The following ALMS1 variants were observed in gnomAD, a reference collection of about 807,000 sequenced individuals.
The protein encoded by ALMS1 is ALMS1 centrosome and basal body associated protein.
ALMS1 carries 271 observed loss-of-function variants against 352.2 expected under a neutral mutation model. The ratio of observed to expected loss-of-function variants is 0.77; its 90% CI spans 0.70 to 0.85. ALMS1 has a LOEUF of 0.85. Among genes scored for constraint, ALMS1 ranks in the 40% least tolerant of loss-of-function variants. The pLI is 0.00. For missense variants in ALMS1, 5,445 were observed against 4,870.7 expected (o/e 1.12, Z -3.51); for synonymous variants, 1,865 against 1,761.2 (o/e 1.06, Z -1.48).
At chr2:73,388,695 ATAC>A (rs1670586946) in intron 1 of ALMS1, among the ~76,000 whole-genome samples, 1 of 152,260 alleles carries the variant, frequency 6.6e-6, no homozygotes, top group Non-Finnish European at 1.5e-5. Flanking sequence ...ATATTAATAC[ATAC>A]TACATTTTCT....
chr2:73,385,903 T>TGGAGGAGGAGGA lies in ALMS1; in HGVS notation c.63_74dup (p.Glu25_Glu28dup), dbSNP rs55889738. 2.2e-3 allele frequency: 1,573 copies of TGGAGGAGGAGGA among 701,332 alleles called. 3 individuals carry two copies. The East Asian group carries it at 0.035, about 15-fold the overall frequency. 43.4% of individuals were successfully genotyped at this position (701,332 alleles called of 1,614,324 possible). A position where few individuals can be genotyped will look rare whatever the true frequency, so the allele number is the denominator to read the frequency against. ...GAGGATCTGCCATGGCCGGGCGAGC[T>TGGAGGAGGAGGA]GGAGGAGGAGGAGGAGGAGGAGGAG... On this transcript the variant is annotated inframe_insertion, in exon 1 of 23. Transcript: ENST00000613296.
intron 9 of ALMS1, among the ~76,000 whole-genome samples, chr2:73,478,268 T>C (rs1027326013): frequency 6.6e-6 from 1 of 152,154 alleles, no homozygotes; most frequent in African/African-American, 2.4e-5. Flanking sequence ...TACTTGGAAA[T>C]GGTTATGTGA....
chr2:73,403,992 T>G (rs545695825), intron 1 of ALMS1, among the ~76,000 whole-genome samples: 4 of 152,276 alleles, frequency 2.6e-5, no homozygotes, highest in African/African-American at 9.6e-5. Context: ...CTCCACCTCC[T>G]GGGTTCAAGT....
At chr2:73,411,622 G>A (rs1671079312) in intron 2 of ALMS1, among the ~76,000 whole-genome samples, 1 of 152,134 alleles carries the variant, frequency 6.6e-6, no homozygotes, top group Non-Finnish European at 1.5e-5. Context: ...CGTCAGAATA[G>A]CTGGAATATT....
intron 10 of ALMS1, among the ~76,000 whole-genome samples, chr2:73,513,297 C>T (rs952728702): frequency 1.3e-5 from 2 of 152,086 alleles, no homozygotes; most frequent in South Asian, 2.1e-4. Context: ...TCACCCTCAA[C>T]GTATGGACAC....
chr2:73,511,687 G>A (rs1673456281), intron 10 of ALMS1, among the ~76,000 whole-genome samples: 1 of 152,118 alleles, frequency 6.6e-6, no homozygotes, highest in Admixed American at 6.5e-5. Context: ...ATGACAGTGG[G>A]TCTCAACTAG....
At chr2:73,596,309 A>G (rs181204477) in intron 16 of ALMS1, among the ~76,000 whole-genome samples, 16 of 152,232 alleles carry the variant, frequency 1.1e-4, no homozygotes, top group African/African-American at 3.9e-4. Flanking sequence ...GTCTAACTTC[A>G]TCTCTTTGCA....
chr2:73,452,336 C>G lies in ALMS1; in HGVS notation c.5809C>G (p.Pro1937Ala), dbSNP rs767414544. 16 of 1,613,934 alleles carry G rather than the reference C, an allele frequency of 9.9e-6. No homozygotes were observed. The Admixed American group carries it at 1.5e-4, about 15-fold the overall frequency. The change falls in exon 8 of 23, where the codon CCT (proline) becomes GCT (alanine). Residue 1937 changes from proline to alanine, a missense_variant. By Grantham distance (27) the Pro-to-Ala change is conservative. Transcript: ENST00000613296. ...GDRKTEIPTV[P>A]LSYYSRREKP... ...CCGGAAGACTGAGATACCAACAGTA[C>G]CTTTAAGTTACTACTCACGTAGAGA...
At chr2:73,413,644 C>A (rs1181380130) in intron 2 of ALMS1, among the ~76,000 whole-genome samples, 2 of 152,196 alleles carry the variant, frequency 1.3e-5, no homozygotes, top group Non-Finnish European at 2.9e-5. Context: ...TCTCTCCCAA[C>A]TGAGAACCGC....
chr2:73,518,599 C>T (rs573019381), intron 10 of ALMS1, among the ~76,000 whole-genome samples: 1 of 152,264 alleles, frequency 6.6e-6, no homozygotes, highest in Admixed American at 6.5e-5. Context: ...ATAACCACTC[C>T]CTTTTCTCTG....
At chr2:73,401,756 T>C (rs1485276641) in intron 1 of ALMS1, among the ~76,000 whole-genome samples, 1 of 152,112 alleles carries the variant, frequency 6.6e-6, no homozygotes, top group African/African-American at 2.4e-5. Context: ...TTATTAACTA[T>C]AGTACTTATA....
Position 73,489,628 on chromosome 2 carries a change from T to C in ALMS1, c.7675-6T>C, listed in dbSNP as rs779430195. ...AAATAAGAACCTGTTTGTTTGTATC[T>C]TCTAGGGTTTACAGAGTCCACGGGG... On this transcript the variant is annotated splice_region_variant and splice_polypyrimidine_tract_variant and intron_variant, in intron 9 of 22. Coordinates refer to ENST00000613296, the MANE Select transcript of ALMS1 (RefSeq NM_001378454.1). 6.2e-7 allele frequency: 1 copy of C among 1,614,170 alleles called. No homozygotes were observed. The highest frequency in any genetic ancestry group is 1.1e-5 in the South Asian group (1 of 91,078).
intron 9 of ALMS1, among the ~76,000 whole-genome samples, chr2:73,487,562 G>A (rs925429518): frequency 2.4e-4 from 36 of 152,280 alleles, no homozygotes; most frequent in African/African-American, 8.4e-4. Flanking sequence ...GCCACAGCTT[G>A]TCTCTTCTTC....
chr2:73,575,222 G>A (rs1283766416), intron 16 of ALMS1, among the ~76,000 whole-genome samples: 1 of 152,116 alleles, frequency 6.6e-6, no homozygotes, highest in East Asian at 1.9e-4. Flanking sequence ...AATTGATATA[G>A]AACGTTTGTG....
intron 10 of ALMS1, among the ~76,000 whole-genome samples, chr2:73,501,992 A>C (rs1019633042): frequency 1.1e-4 from 16 of 151,952 alleles, no homozygotes; most frequent in African/African-American, 3.9e-4. Flanking sequence ...CATCTACTAA[A>C]TATATTCCTA....
intron 6 of ALMS1, among the ~76,000 whole-genome samples, chr2:73,431,225 C>T (rs1181575437): frequency 6.6e-6 from 1 of 151,996 alleles, no homozygotes; most frequent in East Asian, 1.9e-4. Flanking sequence ...AAAATCTTCA[C>T]AAGTTGAAAA....
At chr2:73,474,971 A>T (rs1381177101) in intron 9 of ALMS1, among the ~76,000 whole-genome samples, 2 of 152,156 alleles carry the variant, frequency 1.3e-5, no homozygotes, top group African/African-American at 4.8e-5. Context: ...CCAATTCTGG[A>T]CATTTTATAT....
At chr2:73,604,216 C>A (rs1450095390) in intron 21 of ALMS1, among the ~76,000 whole-genome samples, 1 of 152,048 alleles carries the variant, frequency 6.6e-6, no homozygotes, top group Non-Finnish European at 1.5e-5. Flanking sequence ...CCATGATGAA[C>A]GAACATTAGC....
At position 73,520,012 on chromosome 2, in the gene ALMS1, A is replaced by C. The variant is rs183325464; in HGVS notation, c.9777A>C (p.Thr3259=). The C allele has an allele frequency of 1.8e-4, 294 of 1,614,108 alleles. No homozygotes were observed. Among genetic ancestry groups the C allele is most frequent in the Middle Eastern group, 3.3e-4 (2 of 6,062 alleles). Residue 3259 remains threonine, a synonymous_variant, in exon 11 of 23, where the codon ACA becomes ACC. Coordinates refer to ENST00000613296, the MANE Select transcript of ALMS1 (RefSeq NM_001378454.1). ...SVQQVTFSRG[T]DGQPLLLPYK... Reference sequence around the variant, plus strand: ...AACAGGTTACTTTTTCTCGCGGCACAGATGGTAAGAGAATGTGATTGCATT... The same window carrying C: ...AACAGGTTACTTTTTCTCGCGGCACCGATGGTAAGAGAATGTGATTGCATT...
Sources: allele counts gnomAD v4.1 joint callset (sites outside exome capture counted in the v4.1 genomes callset), GRCh38; gene constraint gnomAD v4.1.1; transcripts MANE v1.5; gene names NCBI Gene and HGNC (gene_info 2026-07-23, HGNC 2026-07-21).